SEMA5A: variants seen among roughly 807,000 people sequenced by gnomAD.
SEMA5A encodes the protein semaphorin-5A.
A neutral mutation model predicts 135.5 loss-of-function variants in SEMA5A; 55 were observed. That is an observed-to-expected ratio of 0.41 (90% CI 0.33 to 0.51). The LOEUF (loss-of-function observed/expected upper bound fraction) is 0.51. Ranked by LOEUF, SEMA5A falls within the 20% of genes least tolerant of loss-of-function variation. The probability of loss-of-function intolerance (pLI) is 0.37; values close to 1 mark genes in which losing one functional copy is unlikely to be tolerated. For missense variants in SEMA5A, 1,290 were observed against 1,419.9 expected (o/e 0.91, Z 1.47); for synonymous variants, 580 against 546.5 (o/e 1.06, Z -0.85).
chr5:9,154,604 C>T lies in SEMA5A; in HGVS notation c.1365G>A (p.Arg455=), dbSNP rs776975199. ...TCTGCAGGCTCCTGATGGGCTCCCTCCGCCTCTCAGGGAAGAGCTCAATCT... is the reference window on the plus strand; with the variant it reads ...TCTGCAGGCTCCTGATGGGCTCCCTTCGCCTCTCAGGGAAGAGCTCAATCT... ...LEEIELFPER[R]REPIRSLQIL... is the part of the protein sequence containing the mutation. The change falls in exon 12 of 23, where the codon CGG becomes CGA. Residue 455 remains arginine (R), a synonymous_variant. Coordinates refer to ENST00000382496, the MANE Select transcript of SEMA5A (RefSeq NM_003966.3). 1 of 1,614,064 alleles carries T rather than the reference C, an allele frequency of 6.2e-7. No individual in the cohort carries two copies. The highest frequency in any genetic ancestry group is 8.5e-7 in the Non-Finnish European group (1 of 1,180,024).
intron 16 of SEMA5A, among the ~76,000 whole-genome samples, chr5:9,089,503 G>A (rs897069155): frequency 4.0e-5 from 6 of 151,788 alleles, no homozygotes; most frequent in East Asian, 1.9e-4. Flanking sequence ...GGTGAATATC[G>A]CAGTACATTT....
intron 1 of SEMA5A, among the ~76,000 whole-genome samples, chr5:9,439,113 G>A (rs577541973): frequency 1.1e-4 from 16 of 152,208 alleles, no homozygotes; most frequent in East Asian, 1.9e-4. Context: ...CGTGCAGCAC[G>A]GCCAATCCTC....
intron 16 of SEMA5A, 125 bp downstream of exon 16, chr5:9,108,015 C>A: frequency 8.1e-7 from 1 of 1,233,114 alleles, no homozygotes; most frequent in Non-Finnish European, 1.1e-6. Context: ...TTGTGCAGAG[C>A]CTCTAGTGTG....
intron 2 of SEMA5A, among the ~76,000 whole-genome samples, chr5:9,397,349 T>C (rs1756451684): frequency 6.6e-6 from 1 of 152,230 alleles, no homozygotes; most frequent in African/African-American, 2.4e-5. Context: ...GGTTGCAAAT[T>C]CCAGCTCAGC....
At position 9,432,887 on chromosome 5, in the gene SEMA5A, T is replaced by C. The variant is rs139125004; in HGVS notation, c.-78+4869A>G. The stretch of plus-strand genomic sequence containing the variant: ...CAGGATTTAATCATGGTTAATATAA[T>C]GGGTTAAGTTCTATAAAATTTTTTA... On this transcript the variant is annotated intron_variant, in intron 2 of 22. Coordinates refer to ENST00000382496, the MANE Select transcript of SEMA5A (RefSeq NM_003966.3). Among the ~76,000 whole-genome samples, 228 of 152,284 alleles carry C rather than the reference T, an allele frequency of 1.5e-3. 1 individual carries two copies. Among genetic ancestry groups the C allele is most frequent in the African/African-American group, 5.3e-3 (222 of 41,552 alleles).
intron 5 of SEMA5A, among the ~76,000 whole-genome samples, chr5:9,289,346 A>C (rs1043096443): frequency 1.3e-5 from 2 of 152,242 alleles, no homozygotes; most frequent in Admixed American, 1.3e-4. Flanking sequence ...TGTTTTCTAC[A>C]TTCAATTTAT....
At chr5:9,130,789 G>T (rs527645556) in intron 13 of SEMA5A, among the ~76,000 whole-genome samples, 1 of 152,254 alleles carries the variant, frequency 6.6e-6, no homozygotes, top group African/African-American at 2.4e-5. Flanking sequence ...TGATGACCGT[G>T]TCACCCCTGC....
At chr5:9,270,675 T>G (rs759014904) in intron 5 of SEMA5A, among the ~76,000 whole-genome samples, 1 of 151,888 alleles carries the variant, frequency 6.6e-6, no homozygotes, top group Non-Finnish European at 1.5e-5. Context: ...CAGCCCAGAT[T>G]TGGCATACTC....
chr5:9,044,596 T>C lies in SEMA5A; in HGVS notation c.2894-12A>G, dbSNP rs777071663. On this transcript the variant is annotated splice_polypyrimidine_tract_variant and intron_variant, in intron 21 of 22. Transcript: ENST00000382496. ...GAACATGTTGAACTCTAGGGAGACATGAGCAAAGTGATGCCACACTTGAAA... is the reference window on the plus strand; with the variant it reads ...GAACATGTTGAACTCTAGGGAGACACGAGCAAAGTGATGCCACACTTGAAA... The C allele has an allele frequency of 1.9e-6, 3 of 1,609,816 alleles. No homozygotes were observed. The highest frequency in any genetic ancestry group is 2.2e-5 in the East Asian group (1 of 44,820).
chr5:9,407,283 T>C (rs139398086), intron 2 of SEMA5A, among the ~76,000 whole-genome samples: 3,481 of 152,330 alleles, frequency 0.023, 49 homozygotes, highest in Non-Finnish European at 0.03. Flanking sequence ...TTATTTTCCA[T>C]ATTTTGATTT....
rs376065036 is a variant in SEMA5A, at chr5:9,346,218, G to T, written c.125-8406C>A. Among the ~76,000 whole-genome samples the T allele has an allele frequency of 7.2e-5, 11 of 152,084 alleles. No homozygotes were observed. The East Asian group carries it at 1.2e-3, about 16-fold the overall frequency. ...GACTTCAGAGGGACAGTTTGATGGT[G>T]TAACTTTGAAGAAGAATCTGGCCAG... is the stretch of plus-strand genomic sequence containing the variant. On this transcript the variant is annotated intron_variant, in intron 3 of 22. Coordinates refer to ENST00000382496, the MANE Select transcript of SEMA5A (RefSeq NM_003966.3).
chr5:9,189,226 C>T (rs2150344443), intron 11 of SEMA5A, among the ~76,000 whole-genome samples: 1 of 152,342 alleles, frequency 6.6e-6, no homozygotes, highest in Non-Finnish European at 1.5e-5. Flanking sequence ...TGTCTGCTCA[C>T]CGTCACCTTC....
intron 18 of SEMA5A, among the ~76,000 whole-genome samples, chr5:9,058,576 A>T (rs181445015): frequency 4.6e-5 from 7 of 152,382 alleles, no homozygotes. Flanking sequence ...ACAGAAGAGG[A>T]TAACATTCTT....
At chr5:9,196,557 C>T (rs1329367186) in intron 10 of SEMA5A, among the ~76,000 whole-genome samples, 1 of 152,224 alleles carries the variant, frequency 6.6e-6, no homozygotes, top group Non-Finnish European at 1.5e-5. Flanking sequence ...CCTGCCAACT[C>T]ACCAAACATG....
At chr5:9,138,857 T>C (rs1223291509) in intron 12 of SEMA5A, among the ~76,000 whole-genome samples, 1 of 152,228 alleles carries the variant, frequency 6.6e-6, no homozygotes, top group African/African-American at 2.4e-5. Flanking sequence ...ACATGCGACG[T>C]TTGCTTTTCT....
chr5:9,066,329 A>C, intron 17 of SEMA5A, 92 bp downstream of exon 17: 1 of 1,235,420 alleles, frequency 8.1e-7, no homozygotes, highest in Admixed American at 1.7e-5. Context: ...ATAACCAAAA[A>C]GGAAAATGCC....
At chr5:9,123,246 G>C (rs562563960) in intron 13 of SEMA5A, among the ~76,000 whole-genome samples, 1 of 97,864 alleles carries the variant, frequency 1.0e-5, no homozygotes, top group Non-Finnish European at 1.9e-5. Context: ...GGGAAGGAGC[G>C]AGACTCCGCC....
chr5:9,082,763 G>A (rs1476224725), intron 16 of SEMA5A, among the ~76,000 whole-genome samples: 1 of 152,166 alleles, frequency 6.6e-6, no homozygotes, highest in African/African-American at 2.4e-5. Context: ...AAAAGCATCA[G>A]GGATTCTCCA....
intron 3 of SEMA5A, among the ~76,000 whole-genome samples, chr5:9,369,128 T>C (rs569405481): frequency 4.3e-4 from 66 of 152,332 alleles, no homozygotes; most frequent in African/African-American, 1.6e-3. Context: ...CACTATGCAG[T>C]TATGTCTAAA....
Sources: allele counts gnomAD v4.1 joint callset (sites outside exome capture counted in the v4.1 genomes callset), GRCh38; gene constraint gnomAD v4.1.1; transcripts MANE v1.5; gene names NCBI Gene and HGNC (gene_info 2026-07-23, HGNC 2026-07-21).